Variants in ZSCAN26 observed in about 807,000 individuals in gnomAD.
ZSCAN26 encodes the protein zinc finger and SCAN domain containing 26.
Under a neutral mutation model 23.0 loss-of-function variants are expected in ZSCAN26, and 26 were observed. The observed-to-expected ratio is 1.13, with a 90% CI of 0.83 to 1.57. The LOEUF (loss-of-function observed/expected upper bound fraction) is 1.57, where lower values mean the gene tolerates loss of function less well. ZSCAN26 is among the 40% of genes most tolerant of loss of function. The pLI is 0.00. For synonymous variants in ZSCAN26, 180 were observed against 202.5 expected (o/e 0.89, Z 0.94); for missense variants, 528 against 568.5 (o/e 0.93, Z 0.72).
At chr6:28,268,772 G>A (rs746529166) in intron 1 of ZSCAN26, among the ~76,000 whole-genome samples, 11 of 152,142 alleles carry the variant, frequency 7.2e-5, no homozygotes, top group African/African-American at 1.2e-4. Context: ...TATATATTGT[G>A]TTTGATATAT....
chr6:28,272,340 G>T lies in ZSCAN26; in HGVS notation c.420+1G>T. 2 of 1,519,754 alleles carry T rather than the reference G, an allele frequency of 1.3e-6. No individual in the cohort carries two copies. The highest frequency in any genetic ancestry group is 2.4e-5 in the East Asian group (1 of 41,052). The allele number at this position is 1,519,754 out of a possible 1,614,324, so 94.1% of individuals were successfully genotyped here. The stretch of plus-strand genomic sequence containing the variant: ...TCTTGGAGAAACAGGACAACAGGTG[G>T]TAAGGGTCAGATGTGCTCTTTTTCA... On this transcript the variant is annotated splice_donor_variant, in intron 2 of 3. Transcript: ENST00000421553. LOFTEE classifies it high-confidence loss of function.
intron 1 of ZSCAN26, among the ~76,000 whole-genome samples, chr6:28,270,206 A>G (rs1761625580): frequency 1.3e-5 from 2 of 152,156 alleles, no homozygotes; most frequent in Non-Finnish European, 2.9e-5. Flanking sequence ...TTGGCTTTTT[A>G]AAGTTTAAGT....
chr6:28,276,751 G>A lies in ZSCAN26; in HGVS notation c.1095G>A (p.Glu365=), dbSNP rs767531181. ...NRHQRIHSQE[E]PCECKECGKT... ...ATCAGAGAATTCACAGTCAGGAGGAGCCCTGTGAGTGCAAGGAGTGTGGAA... is the reference window on the plus strand; with the variant it reads ...ATCAGAGAATTCACAGTCAGGAGGAACCCTGTGAGTGCAAGGAGTGTGGAA... Residue 365 remains glutamate, a synonymous_variant, in exon 4 of 4, where the codon GAG becomes GAA. Transcript: ENST00000421553. 1 of 1,613,866 alleles carries A rather than the reference G, an allele frequency of 6.2e-7. No individual in the cohort carries two copies. Among genetic ancestry groups the A allele is most frequent in the Non-Finnish European group, 8.5e-7 (1 of 1,179,836 alleles).
intron 3 of ZSCAN26, among the ~76,000 whole-genome samples, chr6:28,273,555 C>A (rs184388572): frequency 0.047 from 6,794 of 144,604 alleles, 173 homozygotes; most frequent in Middle Eastern, 0.087. Flanking sequence ...AACAAACAAA[C>A]AAAAAAAAAA....
Position 28,276,285 on chromosome 6 carries a change from T to G in ZSCAN26, c.629T>G (p.Met210Arg), listed in dbSNP as rs577137594. The change falls in exon 4 of 4, where the codon ATG becomes AGG. Residue 210 changes from methionine to arginine, a missense_variant. Coordinates refer to ENST00000421553, the MANE Select transcript of ZSCAN26 (RefSeq NM_001023560.4). ...TCATCTGGGAAAATATCTGAACCCATGGAGGCTCATAATGAGGGCTCTAAC... is the reference window on the plus strand; with the variant it reads ...TCATCTGGGAAAATATCTGAACCCAGGGAGGCTCATAATGAGGGCTCTAAC... The part of the protein sequence containing the change: ...VESSGKISEP[M>R]EAHNEGSNLE... 20 of 1,613,810 alleles carry G rather than the reference T, an allele frequency of 1.2e-5. No individual in the cohort carries two copies. The highest frequency in any genetic ancestry group is 1.5e-5 in the Non-Finnish European group (18 of 1,179,872).
chr6:28,276,090 C>T, intron 3 of ZSCAN26, 105 bp from the exon 4 acceptor site: 1 of 1,037,308 alleles, frequency 9.6e-7, no homozygotes, highest in South Asian at 1.7e-5. Flanking sequence ...AATGTTTTTA[C>T]TTTGCACACA....
At position 28,271,997 on chromosome 6, in the gene ZSCAN26, G is replaced by A. The variant is rs186314901; in HGVS notation, c.78G>A (p.Glu26=). ...AGGAGGGGCTTCGGGTAGTGAGGGAGGATCACTACTCTACTTGGGAACAGG... is the reference window on the plus strand; with the variant it reads ...AGGAGGGGCTTCGGGTAGTGAGGGAAGATCACTACTCTACTTGGGAACAGG... The part of the protein sequence containing the change: ...LKKEGLRVVR[E]DHYSTWEQGF... Residue 26 remains glutamate (E), a synonymous_variant, in exon 2 of 4, where the codon GAG becomes GAA. Transcript: ENST00000421553. 1.2e-5 allele frequency: 18 copies of A among 1,551,632 alleles called. No homozygotes were observed. The East Asian group carries it at 4.4e-4, about 38-fold the overall frequency.
intron 1 of ZSCAN26, among the ~76,000 whole-genome samples, chr6:28,270,391 T>C (rs1056128762): frequency 3.9e-5 from 6 of 152,194 alleles, no homozygotes; most frequent in African/African-American, 1.2e-4. Flanking sequence ...AGCTGACAGA[T>C]GGTGTTTCAC....
At chr6:28,275,226 C>T (rs1255882532) in intron 3 of ZSCAN26, among the ~76,000 whole-genome samples, 1 of 152,206 alleles carries the variant, frequency 6.6e-6, no homozygotes, top group Non-Finnish European at 1.5e-5. Flanking sequence ...TTTACTCTCT[C>T]ATTCTGACTT....
chr6:28,272,575 TC>T, intron 2 of ZSCAN26, 94 bp from the exon 3 acceptor site: 2 of 1,142,402 alleles, frequency 1.8e-6, no homozygotes, highest in Non-Finnish European at 2.5e-6. Context: ...GGTTTCTCTT[TC>T]TTCTCTTTTT....
At position 28,277,104 on chromosome 6, in the gene ZSCAN26, T is replaced by C. The variant is rs1561879712; in HGVS notation, c.*8T>C. 1 of 1,608,000 alleles carries C rather than the reference T, an allele frequency of 6.2e-7. No individual in the cohort carries two copies. Among genetic ancestry groups the C allele is most frequent in the Non-Finnish European group, 8.5e-7 (1 of 1,177,750 alleles). On this transcript the variant is annotated 3_prime_UTR_variant, in exon 4 of 4. Coordinates refer to ENST00000421553, the MANE Select transcript of ZSCAN26 (RefSeq NM_001023560.4). ...AAAGACAAACTGGCTTGATGAGGTG[T>C]TCTCTCCTTGTAGAACATCAGAGAA...
chr6:28,275,338 T>C (rs1183054422), intron 3 of ZSCAN26, among the ~76,000 whole-genome samples: 1 of 152,198 alleles, frequency 6.6e-6, no homozygotes, highest in East Asian at 1.9e-4. Context: ...AACTTCACAT[T>C]CTTCTCACCC....
intron 1 of ZSCAN26, among the ~76,000 whole-genome samples, chr6:28,271,526 A>T (rs923186873): frequency 6.6e-6 from 1 of 151,776 alleles, no homozygotes; most frequent in Non-Finnish European, 1.5e-5. Flanking sequence ...GCCTGGTGTC[A>T]CTATGTTGCC....
In ZSCAN26 at chr6:28,276,790, G is replaced by A; in HGVS notation, c.1134G>A (p.Gln378=). The change falls in exon 4 of 4, where the codon CAG becomes CAA. Residue 378 remains glutamine, a synonymous_variant. Coordinates refer to ENST00000421553, the MANE Select transcript of ZSCAN26 (RefSeq NM_001023560.4). The stretch of plus-strand genomic sequence containing the variant: ...AGGAGTGTGGAAAAACCTTTAGTCA[G>A]GCCTTACTCCTCACCCACCATCAGA... ...ECKECGKTFS[Q]ALLLTHHQRI... The A allele has an allele frequency of 6.2e-7, 1 of 1,613,904 alleles. No homozygotes were observed. Among genetic ancestry groups the A allele is most frequent in the South Asian group, 1.1e-5 (1 of 91,076 alleles).
Position 28,276,302 on chromosome 6 carries a change from G to T in ZSCAN26, c.646G>T (p.Gly216Cys). 1 of 1,613,970 alleles carries T rather than the reference G, an allele frequency of 6.2e-7. No homozygotes were observed. Among genetic ancestry groups the T allele is most frequent in the Non-Finnish European group, 8.5e-7 (1 of 1,179,866 alleles). The change falls in exon 4 of 4, where the codon GGC (glycine) becomes TGC (cysteine). Residue 216 changes from glycine (G) to cysteine (C), a missense_variant. By Grantham distance (159) the Gly-to-Cys change is radical (BLOSUM62 -3). Transcript: ENST00000421553. ...TGAACCCATGGAGGCTCATAATGAG[G>T]GCTCTAACTTGGAAAGGCATCAGGC... Reference protein sequence around the residue: ...ISEPMEAHNEGSNLERHQAKP... With the variant: ...ISEPMEAHNECSNLERHQAKP...
In ZSCAN26 at chr6:28,271,916, G is replaced by C; in HGVS notation, c.-4G>C. On this transcript the variant is annotated 5_prime_UTR_variant, in exon 2 of 4. Coordinates refer to ENST00000421553, the MANE Select transcript of ZSCAN26 (RefSeq NM_001023560.4). The stretch of plus-strand genomic sequence containing the variant: ...AAAACAAGGAGAACAGTCTGAAGCT[G>C]GGGATGGCAACAGCATTGGTGAGTG... 1 of 1,547,306 alleles carries C rather than the reference G, an allele frequency of 6.5e-7. No homozygotes were observed. Among genetic ancestry groups the C allele is most frequent in the Non-Finnish European group, 8.7e-7 (1 of 1,144,822 alleles).
At chr6:28,272,459 T>C in intron 2 of ZSCAN26, 120 bp downstream of exon 2, 2 of 1,284,024 alleles carry the variant, frequency 1.6e-6, no homozygotes, top group Non-Finnish European at 2.1e-6. Context: ...TTTTTTCCAG[T>C]CTAGCTGTTA....
At chr6:28,275,564 C>T (rs1400096454) in intron 3 of ZSCAN26, among the ~76,000 whole-genome samples, 2 of 152,098 alleles carry the variant, frequency 1.3e-5, no homozygotes, top group Non-Finnish European at 1.5e-5. Flanking sequence ...ATTATCATAG[C>T]GTTGAGATTA....
intron 3 of ZSCAN26, among the ~76,000 whole-genome samples, chr6:28,275,641 T>A (rs545407432): frequency 3.3e-5 from 5 of 152,296 alleles, no homozygotes; most frequent in African/African-American, 9.6e-5. Context: ...GGCGAAGGCA[T>A]TTTTGTGAAC....
Sources: gnomAD v4.1 joint callset for allele counts (sites outside exome capture counted in the v4.1 genomes callset) on GRCh38, gnomAD v4.1.1 for gene constraint, MANE v1.5 for transcripts, NCBI Gene and HGNC (gene_info 2026-07-23, HGNC 2026-07-21) for gene names.